SCHIP1: variants seen among roughly 807,000 people sequenced by gnomAD.
SCHIP1 encodes schwannomin interacting protein 1.
SCHIP1 carries 8 observed loss-of-function variants against 29.7 expected under a neutral mutation model. That is an observed-to-expected ratio of 0.27 (90% confidence interval 0.16 to 0.49). The LOEUF (loss-of-function observed/expected upper bound fraction) is 0.49. Ranked by LOEUF, SCHIP1 falls within the 20% of genes least tolerant of loss-of-function variation. The pLI, the probability that SCHIP1 is intolerant of heterozygous loss-of-function variation, is 0.99. For synonymous variants in SCHIP1, 76 were observed against 94.9 expected (o/e 0.80, Z 1.16); for missense variants, 193 against 294.6 (o/e 0.66, Z 2.52).
chr3:159,484,174 A>G, the SCHIP1 span, among the ~76,000 whole-genome samples: 1 of 152,192 alleles, frequency 6.6e-6, no homozygotes, highest in Non-Finnish European at 1.5e-5. Flanking sequence ...AAAATTATGA[A>G]CATGCATGTT....
At chr3:159,434,494 T>C in the SCHIP1 span, among the ~76,000 whole-genome samples, 2 of 152,056 alleles carry the variant, frequency 1.3e-5, no homozygotes, top group Non-Finnish European at 2.9e-5. Flanking sequence ...GTCAGGGTGA[T>C]AGGTTAGTGT....
the SCHIP1 span, among the ~76,000 whole-genome samples, chr3:159,353,983 A>G: frequency 6.6e-6 from 1 of 152,182 alleles, no homozygotes; most frequent in Non-Finnish European, 1.5e-5. Flanking sequence ...TTAACAGTGA[A>G]TTCAAAGTTA....
the SCHIP1 span, among the ~76,000 whole-genome samples, chr3:159,279,356 T>A: frequency 6.6e-6 from 1 of 152,198 alleles, no homozygotes; most frequent in African/African-American, 2.4e-5. Flanking sequence ...TCCCCAGCCA[T>A]GTGAAACTGT....
At chr3:159,668,477 T>C in the SCHIP1 span, among the ~76,000 whole-genome samples, 1 of 151,872 alleles carries the variant, frequency 6.6e-6, no homozygotes, top group Non-Finnish European at 1.5e-5. Context: ...GTATACCTAC[T>C]GTGTACCCAC....
At chr3:159,333,199 T>C in the SCHIP1 span, among the ~76,000 whole-genome samples, 2 of 152,324 alleles carry the variant, frequency 1.3e-5, no homozygotes, top group South Asian at 4.1e-4. Flanking sequence ...AAAAAAGTTA[T>C]TAAGTTGTTT....
At chr3:159,582,186 T>C in the SCHIP1 span, among the ~76,000 whole-genome samples, 2 of 152,246 alleles carry the variant, frequency 1.3e-5, no homozygotes, top group South Asian at 4.1e-4. Context: ...TTTTGTCTTG[T>C]TTTTGAGACA....
At chr3:159,534,498 G>T in the SCHIP1 span, among the ~76,000 whole-genome samples, 2 of 152,136 alleles carry the variant, frequency 1.3e-5, no homozygotes, top group Non-Finnish European at 2.9e-5. Context: ...ATCATTCAGA[G>T]ACCCAGGATG....
the SCHIP1 span, among the ~76,000 whole-genome samples, chr3:159,299,222 C>T: frequency 2.0e-5 from 3 of 152,162 alleles, no homozygotes; most frequent in Non-Finnish European, 4.4e-5. Flanking sequence ...ATACTTTGCT[C>T]TCTCAAAACT....
At chr3:159,351,221 T>G in the SCHIP1 span, among the ~76,000 whole-genome samples, 1 of 152,180 alleles carries the variant, frequency 6.6e-6, no homozygotes, top group African/African-American at 2.4e-5. Flanking sequence ...TCAATTTGCC[T>G]GTGGTTTCCC....
intron 1 of SCHIP1, among the ~76,000 whole-genome samples, chr3:159,840,465 C>T (rs1401320319): frequency 1.3e-5 from 2 of 152,008 alleles, no homozygotes; most frequent in Admixed American, 1.3e-4. Context: ...ATATTTTGTA[C>T]GTCTGCAAAA....
At chr3:159,711,671 T>C in the SCHIP1 span, among the ~76,000 whole-genome samples, 1 of 152,220 alleles carries the variant, frequency 6.6e-6, no homozygotes, top group Admixed American at 6.5e-5. Context: ...CAGATGTTGC[T>C]AGGTCTCTTA....
the SCHIP1 span, among the ~76,000 whole-genome samples, chr3:159,299,334 C>T: frequency 6.6e-6 from 1 of 152,140 alleles, no homozygotes; most frequent in African/African-American, 2.4e-5. Flanking sequence ...GTTTTATCCT[C>T]TTACTCATGT....
the SCHIP1 span, among the ~76,000 whole-genome samples, chr3:159,294,035 A>G: frequency 2.6e-5 from 4 of 152,126 alleles, no homozygotes; most frequent in African/African-American, 9.7e-5. Context: ...CTTAGGTGCT[A>G]TGTAACTATC....
chr3:159,394,479 A>G, the SCHIP1 span, among the ~76,000 whole-genome samples: 125 of 152,168 alleles, frequency 8.2e-4, no homozygotes, highest in South Asian at 0.019. Context: ...ATTATTTTGA[A>G]ATAGGTCCCA....
chr3:159,728,262 T>C, the SCHIP1 span, among the ~76,000 whole-genome samples: 1 of 152,128 alleles, frequency 6.6e-6, no homozygotes, highest in Admixed American at 6.6e-5. Flanking sequence ...ACTAAGGAAG[T>C]GGGCCTTACC....
the SCHIP1 span, among the ~76,000 whole-genome samples, chr3:159,572,078 C>G: frequency 2.0e-5 from 3 of 152,126 alleles, no homozygotes; most frequent in African/African-American, 7.2e-5. Flanking sequence ...AAAAAACCAG[C>G]TCCTGGATTG....
At chr3:159,838,743 A>T (rs939456949), upstream of SCHIP1, among the ~76,000 whole-genome samples, 2 of 151,962 alleles carry the variant, frequency 1.3e-5, no homozygotes, top group African/African-American at 4.8e-5. Context: ...AATATAAAAA[A>T]ATTAGCCGGG....
At chr3:159,396,940 C>T in the SCHIP1 span, among the ~76,000 whole-genome samples, 1 of 146,442 alleles carries the variant, frequency 6.8e-6, no homozygotes, top group Non-Finnish European at 1.5e-5. Flanking sequence ...CCATTCTCCC[C>T]ATCACTTTCA....
chr3:159,431,558 G>A, the SCHIP1 span, among the ~76,000 whole-genome samples: 1 of 152,110 alleles, frequency 6.6e-6, no homozygotes, highest in Non-Finnish European at 1.5e-5. Context: ...CCAGGAGGAA[G>A]CAGAAAAGAT....
Sources: allele counts gnomAD v4.1 joint callset (sites outside exome capture counted in the v4.1 genomes callset), GRCh38; gene constraint gnomAD v4.1.1; transcripts MANE v1.5; gene names NCBI Gene and HGNC (gene_info 2026-07-23, HGNC 2026-07-21).